The following CDH12 variants were observed in gnomAD, a reference collection of about 807,000 sequenced individuals.
The protein encoded by CDH12 is cadherin-12.
CDH12 carries 41 observed loss-of-function variants against 74.1 expected under a neutral mutation model. The observed-to-expected ratio is 0.55, with a 90% CI of 0.43 to 0.72. The LOEUF is 0.72. CDH12 is among the 30% of genes least tolerant of loss of function. The pLI is 0.00. For synonymous variants in CDH12, 399 were observed against 355.0 expected (o/e 1.12, Z -1.39); for missense variants, 945 against 977.2 (o/e 0.97, Z 0.44).
In CDH12 at chr5:21,765,004, C is replaced by G; in HGVS notation, c.1489G>C (p.Val497Leu). Residue 497 changes from valine to leucine, a missense_variant, in exon 12 of 15, where the codon GTG (valine) becomes CTG (leucine). Transcript: ENST00000382254. ...PEISVPYETA[V>L]CENAKPGQII... is the part of the protein sequence containing the mutation. ...TGTCCTGGCTTGGCATTTTCACACA[C>G]GGCTGTCTCATATGGCACAGATATT... 1.2e-6 allele frequency: 2 copies of G among 1,613,526 alleles called. No individual in the cohort carries two copies. Among genetic ancestry groups the G allele is most frequent in the Non-Finnish European group, 1.7e-6 (2 of 1,179,670 alleles).
chr5:22,218,047 C>A (rs1421351452), intron 3 of CDH12, among the ~76,000 whole-genome samples: 1 of 151,380 alleles, frequency 6.6e-6, no homozygotes, highest in African/African-American at 2.4e-5. Context: ...CCACTAAATA[C>A]CTATTAGAAT....
At chr5:22,756,789 G>A (rs760652528) in intron 1 of CDH12, among the ~76,000 whole-genome samples, 28 of 151,844 alleles carry the variant, frequency 1.8e-4, no homozygotes, top group Non-Finnish European at 2.9e-4. Flanking sequence ...GTGAAACCCC[G>A]TCTCTACTAA....
chr5:22,657,504 A>G (rs917482714), intron 1 of CDH12, among the ~76,000 whole-genome samples: 4 of 152,170 alleles, frequency 2.6e-5, no homozygotes, highest in Admixed American at 1.3e-4. Flanking sequence ...CACAATTTAC[A>G]TTACTTACTA....
intron 2 of CDH12, among the ~76,000 whole-genome samples, chr5:22,448,463 A>C (rs575169903): frequency 6.6e-6 from 1 of 152,188 alleles, no homozygotes; most frequent in East Asian, 1.9e-4. Context: ...ACAGACAAAA[A>C]GTTGAGTAGA....
intron 3 of CDH12, among the ~76,000 whole-genome samples, chr5:22,214,575 G>A (rs1168299001): frequency 6.6e-6 from 1 of 152,160 alleles, no homozygotes; most frequent in African/African-American, 2.4e-5. Context: ...TGTGTAGTTG[G>A]TCATGCAATT....
chr5:22,611,034 C>G (rs1737371129), intron 1 of CDH12, among the ~76,000 whole-genome samples: 1 of 152,110 alleles, frequency 6.6e-6, no homozygotes, highest in Admixed American at 6.6e-5. Flanking sequence ...GTATTATTAT[C>G]TTCAACTACT....
intron 1 of CDH12, among the ~76,000 whole-genome samples, chr5:22,738,214 G>C (rs979915267): frequency 2.0e-5 from 3 of 151,996 alleles, no homozygotes; most frequent in African/African-American, 7.2e-5. Context: ...CTGTCTCGTG[G>C]AGCAGACGTT....
At chr5:21,870,997 G>A (rs190518958) in intron 6 of CDH12, among the ~76,000 whole-genome samples, 38 of 152,322 alleles carry the variant, frequency 2.5e-4, no homozygotes, top group Non-Finnish European at 4.4e-4. Context: ...ATTCCAAAGT[G>A]CTGGGATTAC....
At chr5:21,893,081 G>A (rs939435833) in intron 6 of CDH12, among the ~76,000 whole-genome samples, 29 of 152,012 alleles carry the variant, frequency 1.9e-4, no homozygotes, top group East Asian at 1.9e-4. Context: ...AAGTTCTCCC[G>A]CATCTTGCTC....
rs772676328 is a variant in CDH12 at position 21,854,756 on chromosome 5, T to C, written c.561A>G (p.Ala187=). ...AYVLQVKATD[A]DDPTYGNSAR... is the part of the protein sequence containing the mutation. ...CACTGTTTCCATAGGTCGGGTCATCTGCATCTGTGGCCTTGACCTGGAGTA... is the reference window on the plus strand; with the variant it reads ...CACTGTTTCCATAGGTCGGGTCATCCGCATCTGTGGCCTTGACCTGGAGTA... The change falls in exon 7 of 15, where the codon GCA becomes GCG. Residue 187 remains alanine, a synonymous_variant. Coordinates refer to ENST00000382254, the MANE Select transcript of CDH12 (RefSeq NM_004061.5). 4.3e-6 allele frequency: 7 copies of C among 1,609,616 alleles called. No individual in the cohort carries two copies. In the South Asian group the frequency reaches 5.5e-5, roughly 13 times the overall value.
chr5:22,188,156 T>A (rs1750073668), intron 4 of CDH12, among the ~76,000 whole-genome samples: 1 of 151,596 alleles, frequency 6.6e-6, no homozygotes, highest in Non-Finnish European at 1.5e-5. Context: ...CCCTGATGGA[T>A]GGCTTGGTGC....
intron 1 of CDH12, among the ~76,000 whole-genome samples, chr5:22,677,772 C>T (rs536804446): frequency 6.6e-6 from 1 of 152,016 alleles, no homozygotes; most frequent in Non-Finnish European, 1.5e-5. Flanking sequence ...TATTGTTTGT[C>T]TTAGTTTGGG....
chr5:22,102,488 G>C (rs1163768653), intron 4 of CDH12, among the ~76,000 whole-genome samples: 1 of 152,074 alleles, frequency 6.6e-6, no homozygotes. Flanking sequence ...GATCAACATG[G>C]TGAAGCCCCG....
intron 4 of CDH12, among the ~76,000 whole-genome samples, chr5:22,165,090 C>T (rs1748605435): frequency 1.3e-5 from 2 of 151,508 alleles, no homozygotes; most frequent in South Asian, 2.1e-4. Flanking sequence ...TTGGCCCCGA[C>T]ATTCTATTCT....
At chr5:22,156,874 C>T (rs548588826) in intron 4 of CDH12, among the ~76,000 whole-genome samples, 4 of 152,152 alleles carry the variant, frequency 2.6e-5, no homozygotes, top group South Asian at 2.1e-4. Context: ...GACAGTGATG[C>T]GAGGATGTTG....
At chr5:22,518,990 G>C (rs886071888) in intron 1 of CDH12, among the ~76,000 whole-genome samples, 5 of 152,100 alleles carry the variant, frequency 3.3e-5, no homozygotes, top group Non-Finnish European at 7.4e-5. Context: ...GTGACCTCCT[G>C]GTACCAGTGT....
At chr5:22,797,685 G>A (rs191883128) in intron 1 of CDH12, among the ~76,000 whole-genome samples, 32 of 152,184 alleles carry the variant, frequency 2.1e-4, no homozygotes, top group Admixed American at 2.0e-3. Context: ...AATCAGAAAA[G>A]TTCCCTTTGC....
chr5:21,861,249 C>T (rs1751028507), intron 6 of CDH12, among the ~76,000 whole-genome samples: 1 of 151,592 alleles, frequency 6.6e-6, no homozygotes, highest in Non-Finnish European at 1.5e-5. Context: ...AGTATACTTA[C>T]CCACTAACCT....
intron 1 of CDH12, among the ~76,000 whole-genome samples, chr5:22,761,023 A>T (rs1746200522): frequency 6.6e-6 from 1 of 152,204 alleles, no homozygotes; most frequent in Admixed American, 6.5e-5. Flanking sequence ...TTGCATTCTT[A>T]TATCATTTTA....
Sources: allele counts gnomAD v4.1 joint callset (sites outside exome capture counted in the v4.1 genomes callset), GRCh38; gene constraint gnomAD v4.1.1; transcripts MANE v1.5; gene names NCBI Gene and HGNC (gene_info 2026-07-23, HGNC 2026-07-21).